Variants in EFCAB6 observed in about 807,000 individuals in gnomAD.
The protein encoded by EFCAB6 is EF-hand calcium binding domain 6, also known as EF-hand calcium-binding domain-containing protein 6.
Under a neutral mutation model 169.8 loss-of-function variants are expected in EFCAB6, and 156 were observed. The ratio of observed to expected loss-of-function variants is 0.92; its 90% CI spans 0.81 to 1.05. The LOEUF is 1.05. Ranked by LOEUF, EFCAB6 falls within the 50% of genes least tolerant of loss-of-function variation. EFCAB6 has a pLI of 0.00. For synonymous variants in EFCAB6, 698 were observed against 676.4 expected (o/e 1.03, Z -0.50); for missense variants, 1,800 against 1,829.1 (o/e 0.98, Z 0.29).
intron 29 of EFCAB6, 188 bp from the exon 30 acceptor site, chr22:43,535,060 G>A (rs1392911379): frequency 4.9e-6 from 3 of 612,898 alleles, no homozygotes; most frequent in Admixed American, 6.4e-5. Context: ...GTGCCGCAGG[G>A]AGGGGGACCC....
intron 2 of EFCAB6, among the ~76,000 whole-genome samples, chr22:43,800,193 C>T (rs1381015788): frequency 6.6e-6 from 1 of 152,192 alleles, no homozygotes; most frequent in Non-Finnish European, 1.5e-5. Context: ...CCCAACCTTC[C>T]CACGCTGCTG....
At chr22:43,757,521 C>T (rs1034520255) in intron 5 of EFCAB6, among the ~76,000 whole-genome samples, 3 of 152,022 alleles carry the variant, frequency 2.0e-5, no homozygotes, top group Non-Finnish European at 4.4e-5. Flanking sequence ...CACTCCAACC[C>T]GGACAACAAC....
chr22:43,806,624 G>T (rs1318614860), intron 2 of EFCAB6, among the ~76,000 whole-genome samples: 1 of 152,068 alleles, frequency 6.6e-6, no homozygotes, highest in Non-Finnish European at 1.5e-5. Context: ...CCTTCCAGAC[G>T]CCATTACCTC....
intron 23 of EFCAB6, among the ~76,000 whole-genome samples, chr22:43,594,183 G>A (rs1182689807): frequency 6.6e-6 from 1 of 150,544 alleles, no homozygotes; most frequent in Non-Finnish European, 1.5e-5. Context: ...GCTGAGGCAG[G>A]AGAATCGCTT....
intron 10 of EFCAB6, among the ~76,000 whole-genome samples, chr22:43,704,236 A>C (rs1274193847): frequency 6.6e-6 from 1 of 152,146 alleles, no homozygotes; most frequent in Admixed American, 6.5e-5. Context: ...GGGGAAAAAA[A>C]CCCTGACAAC....
At chr22:43,650,090 G>T (rs896177023) in intron 17 of EFCAB6, among the ~76,000 whole-genome samples, 1 of 152,166 alleles carries the variant, frequency 6.6e-6, no homozygotes, top group Non-Finnish European at 1.5e-5. Flanking sequence ...GAAGCAAAAG[G>T]GATTTTTTGG....
chr22:43,774,991 A>G (rs1372254268), intron 3 of EFCAB6, among the ~76,000 whole-genome samples: 1 of 152,006 alleles, frequency 6.6e-6, no homozygotes, highest in African/African-American at 2.4e-5. Context: ...AAGGAGAGTG[A>G]TGGGGTGGAG....
At chr22:43,804,756 C>A (rs2062850297) in intron 2 of EFCAB6, among the ~76,000 whole-genome samples, 1 of 42,172 alleles carries the variant, frequency 2.4e-5, no homozygotes. Flanking sequence ...AGAGCCCTGC[C>A]TCAAAAAAAA....
Position 43,736,662 on chromosome 22 carries a change from G to C in EFCAB6, c.508-669C>G, listed in dbSNP as rs146214311. On this transcript the variant is annotated intron_variant, in intron 6 of 31. Transcript: ENST00000262726. ...CACAGACGCACACAATGTTAGGATAGACCCTGTGGATCCACAGGGAGCACC... is the reference window on the plus strand; with the variant it reads ...CACAGACGCACACAATGTTAGGATACACCCTGTGGATCCACAGGGAGCACC... Among the ~76,000 whole-genome samples, 574 of 151,978 alleles carry C rather than the reference G, an allele frequency of 3.8e-3. 2 individuals are homozygous for C. Among genetic ancestry groups the C allele is most frequent in the African/African-American group, 0.013 (552 of 41,364 alleles).
chr22:43,729,337 T>C (rs1404453288), intron 8 of EFCAB6, among the ~76,000 whole-genome samples: 1 of 152,114 alleles, frequency 6.6e-6, no homozygotes, highest in Non-Finnish European at 1.5e-5. Context: ...CCTCAAGTGA[T>C]CCTCCTGCCT....
chr22:43,723,362 T>C (rs571178665), intron 8 of EFCAB6, among the ~76,000 whole-genome samples: 5 of 152,226 alleles, frequency 3.3e-5, no homozygotes, highest in African/African-American at 7.2e-5. Flanking sequence ...AAACTACCTA[T>C]TGGGTGCTAT....
intron 6 of EFCAB6, among the ~76,000 whole-genome samples, chr22:43,749,535 C>T (rs890019875): frequency 2.0e-5 from 3 of 152,080 alleles, no homozygotes; most frequent in Admixed American, 6.5e-5. Context: ...TCATAAGGAG[C>T]GTGCAACGTA....
intron 17 of EFCAB6, among the ~76,000 whole-genome samples, chr22:43,663,665 C>T (rs1378876565): frequency 6.6e-6 from 1 of 152,228 alleles, no homozygotes; most frequent in Non-Finnish European, 1.5e-5. Context: ...TAAAACACAA[C>T]ATATCAGTTT....
At chr22:43,749,185 G>A (rs2060668941) in intron 6 of EFCAB6, among the ~76,000 whole-genome samples, 1 of 152,094 alleles carries the variant, frequency 6.6e-6, no homozygotes, top group Non-Finnish European at 1.5e-5. Context: ...ACTGGTCCTT[G>A]GTTTCTGCTT....
rs572549542 is a variant in EFCAB6 at position 43,537,265 on chromosome 22, T to G, written c.4048+112A>C. ...CACCCAGAAGTTCCCACCAGTTTCC[T>G]GTTCTGCTGCTCCCTGGCCTCCACC... is the stretch of plus-strand genomic sequence containing the variant. On this transcript the variant is annotated intron_variant, in intron 29 of 31. Coordinates refer to ENST00000262726, the MANE Select transcript of EFCAB6 (RefSeq NM_022785.4). The surrounding 1 kb of genome is among the most constrained non-coding windows in gnomAD (Gnocchi z 4.3). 14 of 1,366,006 alleles carry G rather than the reference T, an allele frequency of 1.0e-5. No homozygotes were observed. The highest frequency in any genetic ancestry group is 1.4e-5 in the Non-Finnish European group (14 of 997,260). 84.6% of individuals were successfully genotyped at this position (1,366,006 alleles called of 1,614,324 possible).
chr22:43,639,940 A>T (rs2055686693), intron 17 of EFCAB6, among the ~76,000 whole-genome samples: 1 of 151,862 alleles, frequency 6.6e-6, no homozygotes, highest in Non-Finnish European at 1.5e-5. Context: ...TATGTGGTGA[A>T]TTTTTTGTTT....
chr22:43,541,129 G>GCC (rs2047692474), intron 27 of EFCAB6, among the ~76,000 whole-genome samples: 1 of 152,210 alleles, frequency 6.6e-6, no homozygotes, highest in Non-Finnish European at 1.5e-5. Flanking sequence ...TGGAGAGGCA[G>GCC]CCTCCAGAGA....
At chr22:43,530,761 C>G in intron 31 of EFCAB6, 54 bp downstream of exon 31, 1 of 1,603,968 alleles carries the variant, frequency 6.2e-7, no homozygotes, top group Non-Finnish European at 8.5e-7. Context: ...TTTCTGGCCG[C>G]TGGCATTTGG....
At chr22:43,730,323 A>C (rs1216062390) in intron 8 of EFCAB6, among the ~76,000 whole-genome samples, 3 of 143,516 alleles carry the variant, frequency 2.1e-5, no homozygotes, top group Non-Finnish European at 4.6e-5. Flanking sequence ...CCTCTTAGGC[A>C]ATCAGCCAGA....
Sources: gnomAD v4.1 joint callset for allele counts (sites outside exome capture counted in the v4.1 genomes callset) on GRCh38, gnomAD v4.1.1 for gene constraint, Gnocchi (gnomAD v3.1) non-coding constraint, MANE v1.5 for transcripts, NCBI Gene and HGNC (gene_info 2026-07-23, HGNC 2026-07-21) for gene names.